Variants in LDLRAD3 observed in about 807,000 individuals in gnomAD.
LDLRAD3 encodes the protein low-density lipoprotein receptor class A domain-containing protein 3.
Under a neutral mutation model 29.4 loss-of-function variants are expected in LDLRAD3, and 20 were observed. The ratio of observed to expected loss-of-function variants is 0.68; its 90% CI spans 0.48 to 0.99. The LOEUF is 0.99. Among genes scored for constraint, LDLRAD3 ranks in the 50% least tolerant of loss-of-function variants. The pLI is 0.00. For missense variants in LDLRAD3, 420 were observed against 454.3 expected, an observed-to-expected ratio of 0.92 and a Z score of 0.69; for synonymous variants, 157 against 192.7, an observed-to-expected ratio of 0.81 and a Z score of 1.53.
At chr11:36,155,062 C>T (rs1473283545) in intron 4 of LDLRAD3, among the ~76,000 whole-genome samples, 2 of 152,144 alleles carry the variant, frequency 1.3e-5, no homozygotes, top group East Asian at 3.9e-4. Context: ...TACCCCAGAC[C>T]CACAATCTTT....
At chr11:36,208,519 A>C (rs1427881541) in intron 4 of LDLRAD3, among the ~76,000 whole-genome samples, 1 of 152,142 alleles carries the variant, frequency 6.6e-6, no homozygotes, top group Non-Finnish European at 1.5e-5. Context: ...CCCCAATCCC[A>C]TTCCTGAGGA....
At chr11:36,113,874 A>G (rs903970504) in intron 4 of LDLRAD3, among the ~76,000 whole-genome samples, 2 of 152,036 alleles carry the variant, frequency 1.3e-5, no homozygotes, top group Non-Finnish European at 2.9e-5. Flanking sequence ...GAGTTTCGCC[A>G]TTTTGGCCAG....
intron 4 of LDLRAD3, among the ~76,000 whole-genome samples, chr11:36,158,788 C>G (rs1393177998): frequency 1.3e-5 from 2 of 151,870 alleles, no homozygotes; most frequent in East Asian, 1.9e-4. Flanking sequence ...CTACAACTGT[C>G]TTTTATTTTT....
At chr11:36,027,783 T>C (rs750623965) in intron 1 of LDLRAD3, among the ~76,000 whole-genome samples, 12 of 152,242 alleles carry the variant, frequency 7.9e-5, no homozygotes, top group Non-Finnish European at 1.3e-4. Flanking sequence ...ATCCTTCTTT[T>C]TGGGCAGTGG....
chr11:36,120,577 G>A (rs1246513641), intron 4 of LDLRAD3, among the ~76,000 whole-genome samples: 1 of 152,134 alleles, frequency 6.6e-6, no homozygotes, highest in Non-Finnish European at 1.5e-5. Context: ...GAGTATCCAC[G>A]TTTTACCAAT....
intron 4 of LDLRAD3, among the ~76,000 whole-genome samples, chr11:36,212,768 T>A (rs1855300315): frequency 6.6e-6 from 1 of 152,124 alleles, no homozygotes; most frequent in South Asian, 2.1e-4. Flanking sequence ...CTGGGACTGC[T>A]GGGGGCTTTC....
intron 1 of LDLRAD3, among the ~76,000 whole-genome samples, chr11:35,987,907 C>T (rs1286386156): frequency 6.6e-6 from 1 of 152,234 alleles, no homozygotes; most frequent in African/African-American, 2.4e-5. Flanking sequence ...GTTCCGTTTG[C>T]TCCACAGCCT....
At chr11:36,187,433 A>G (rs1854867905) in intron 4 of LDLRAD3, among the ~76,000 whole-genome samples, 2 of 152,218 alleles carry the variant, frequency 1.3e-5, no homozygotes, top group African/African-American at 4.8e-5. Flanking sequence ...GTTTTATTAT[A>G]GGAACGGAAT....
At chr11:35,956,023 G>C (rs1435054171) in intron 1 of LDLRAD3, among the ~76,000 whole-genome samples, 1 of 152,222 alleles carries the variant, frequency 6.6e-6, no homozygotes, top group Non-Finnish European at 1.5e-5. Context: ...GATTAACTTT[G>C]AGTTGGGCTT....
chr11:36,170,261 C>A (rs7952502), intron 4 of LDLRAD3, among the ~76,000 whole-genome samples: 1 of 145,860 alleles, frequency 6.9e-6, no homozygotes, highest in African/African-American at 2.6e-5. Context: ...TATATATACA[C>A]ATATATATAC....
intron 4 of LDLRAD3, among the ~76,000 whole-genome samples, chr11:36,165,268 T>G (rs1157483981): frequency 2.6e-5 from 4 of 152,228 alleles, no homozygotes; most frequent in African/African-American, 9.6e-5. Flanking sequence ...CTTATTTTAC[T>G]TAGCCACACA....
chr11:36,070,820 C>T (rs1358715793), intron 2 of LDLRAD3, among the ~76,000 whole-genome samples: 1 of 152,136 alleles, frequency 6.6e-6, no homozygotes, highest in Non-Finnish European at 1.5e-5. Flanking sequence ...ATGGGGAATT[C>T]TGGAGAAATA....
At chr11:36,046,920 G>A (rs1312374993) in intron 2 of LDLRAD3, among the ~76,000 whole-genome samples, 1 of 152,176 alleles carries the variant, frequency 6.6e-6, no homozygotes, top group Admixed American at 6.5e-5. Context: ...TTAAAAGTCA[G>A]GTGGATGTAC....
At chr11:36,189,197 A>G (rs1854901492) in intron 4 of LDLRAD3, among the ~76,000 whole-genome samples, 2 of 152,180 alleles carry the variant, frequency 1.3e-5, no homozygotes, top group African/African-American at 4.8e-5. Context: ...CAAAAAGAAA[A>G]CCCCTAGGCT....
chr11:36,036,043 G>T, intron 1 of LDLRAD3, 60 bp from the exon 2 acceptor site: 1 of 1,555,540 alleles, frequency 6.4e-7, no homozygotes, highest in Non-Finnish European at 8.8e-7. Flanking sequence ...CCTTTCAGTT[G>T]AGGGGCGCTG....
Position 36,098,519 on chromosome 11 carries a change from C to T in LDLRAD3, c.454+58C>T, listed in dbSNP as rs1390689152. 2.5e-6 allele frequency: 4 copies of T among 1,593,896 alleles called. No individual in the cohort carries two copies. The Admixed American group carries it at 6.7e-5, about 27-fold the overall frequency. On this transcript the variant is annotated intron_variant, in intron 4 of 5. Transcript: ENST00000315571. ...GCAACACAACACTGCAGTAATGGAACACCCTGAAAGGCAGAAAGCAACACC... is the reference window on the plus strand; with the variant it reads ...GCAACACAACACTGCAGTAATGGAATACCCTGAAAGGCAGAAAGCAACACC...
chr11:35,955,222 G>A (rs763706185), intron 1 of LDLRAD3, among the ~76,000 whole-genome samples: 1 of 152,160 alleles, frequency 6.6e-6, no homozygotes, highest in Non-Finnish European at 1.5e-5. Flanking sequence ...TCCAGCCTGG[G>A]CAACAGAATG....
chr11:35,967,224 G>A lies in LDLRAD3; in HGVS notation c.46+23080G>A, dbSNP rs115637803. On this transcript the variant is annotated intron_variant, in intron 1 of 5. Coordinates refer to ENST00000315571, the MANE Select transcript of LDLRAD3 (RefSeq NM_174902.4). The stretch of plus-strand genomic sequence containing the variant: ...TTTTCCAAATTCAGCTGCTGCTAGA[G>A]CTCTTCTGCTTTCCCCAGGGAGGGC... 2.6e-3 allele frequency: 536 copies of A among 207,968 alleles called. 3 individuals are homozygous for A. Among genetic ancestry groups the A allele is most frequent in the African/African-American group, 0.012 (502 of 42,978 alleles). 12.9% of individuals were successfully genotyped at this position (207,968 alleles called of 1,614,324 possible). A position where few individuals can be genotyped will look rare whatever the true frequency, so the allele number is the denominator to read the frequency against.
Position 36,113,380 on chromosome 11 carries a change from G to A in LDLRAD3, c.454+14919G>A, listed in dbSNP as rs930516251. On this transcript the variant is annotated intron_variant, in intron 4 of 5. Transcript: ENST00000315571. ...CAGGAATTCCAAGACCACTACAGTG[G>A]TTACTATTTCTGAGACATCAGAAAG... Among the ~76,000 whole-genome samples the A allele has an allele frequency of 2.6e-5, 4 of 152,046 alleles. No homozygotes were observed. In the South Asian group the frequency reaches 8.3e-4, roughly 32 times the overall value.
Sources: allele counts gnomAD v4.1 joint callset (sites outside exome capture counted in the v4.1 genomes callset), GRCh38; gene constraint gnomAD v4.1.1; transcripts MANE v1.5; gene names NCBI Gene and HGNC (gene_info 2026-07-23, HGNC 2026-07-21).